The following GATAD2A variants were observed in gnomAD, a reference collection of about 807,000 sequenced individuals.
The protein encoded by GATAD2A is transcriptional repressor p66-alpha.
GATAD2A carries 12 observed loss-of-function variants against 68.5 expected under a neutral mutation model. That is an observed-to-expected ratio of 0.18 (90% CI 0.11 to 0.28). GATAD2A has a LOEUF of 0.28. GATAD2A is among the 10% of genes least tolerant of loss of function. The probability of loss-of-function intolerance (pLI) is 1.00; values close to 1 mark genes in which losing one functional copy is unlikely to be tolerated. For synonymous variants in GATAD2A, 410 were observed against 375.3 expected (o/e 1.09, Z -1.07); for missense variants, 755 against 868.5 (o/e 0.87, Z 1.64).
chr19:19,503,812 G>T (rs1691558256), intron 11 of GATAD2A, among the ~76,000 whole-genome samples: 1 of 152,192 alleles, frequency 6.6e-6, no homozygotes, highest in Non-Finnish European at 1.5e-5. Context: ...GCAGGACCCA[G>T]TTGCCAGGTT....
chr19:19,495,771 G>T lies in GATAD2A; in HGVS notation c.642G>T (p.Met214Ile), dbSNP rs202195507. The T allele has an allele frequency of 9.3e-6, 15 of 1,611,800 alleles. No homozygotes were observed. The highest frequency in any genetic ancestry group is 1.7e-4 in the Middle Eastern group (1 of 6,050). The change falls in exon 6 of 12, where the codon ATG (methionine) becomes ATT (isoleucine). Residue 214 changes from methionine to isoleucine, a missense_variant. Coordinates refer to ENST00000683918, the MANE Select transcript of GATAD2A (RefSeq NM_001384528.1). ...KPSLQTSSAR[M>I]PGSVIPPPLV... is the part of the protein sequence containing the mutation. ...GTTGGCAGACCTCTTCAGCTCGGAT[G>T]CCCGGCAGTGTCATACCCCCGCCCC...
intron 1 of GATAD2A, among the ~76,000 whole-genome samples, chr19:19,425,570 C>G (rs1473645597): frequency 6.6e-6 from 1 of 152,206 alleles, no homozygotes; most frequent in African/African-American, 2.4e-5. Flanking sequence ...CATTTCCAAT[C>G]TGAAATGATT....
In GATAD2A at chr19:19,452,178, C is replaced by T. The variant is rs185771943; in HGVS notation, c.-6-13162C>T. 1.2e-3 allele frequency among the ~76,000 whole-genome samples: 190 copies of T among 152,284 alleles called. 3 individuals are homozygous for T. The highest frequency in any genetic ancestry group is 4.3e-3 in the Admixed American group (66 of 15,304). ...TGTCTGTCTGCTGTCCCACTGTTTC[C>T]TTTGTCTGTCTTCTGCCTTTCCTAC... is the stretch of plus-strand genomic sequence containing the variant. On this transcript the variant is annotated intron_variant, in intron 1 of 11. Transcript: ENST00000683918.
intron 2 of GATAD2A, among the ~76,000 whole-genome samples, chr19:19,472,248 C>T (rs529673789): frequency 6.6e-6 from 1 of 152,110 alleles, no homozygotes; most frequent in East Asian, 1.9e-4. Context: ...CTGCACTTTC[C>T]TGTAGGGGAG....
chr19:19,425,044 A>G (rs931434087), intron 1 of GATAD2A, among the ~76,000 whole-genome samples: 1 of 151,794 alleles, frequency 6.6e-6, no homozygotes, highest in Non-Finnish European at 1.5e-5. Flanking sequence ...CCAAGAGTTC[A>G]AGACTAGCCT....
At chr19:19,486,624 C>T (rs777196330) in intron 2 of GATAD2A, among the ~76,000 whole-genome samples, 9 of 152,214 alleles carry the variant, frequency 5.9e-5, no homozygotes, top group South Asian at 2.1e-4. Flanking sequence ...GTGCAGGGGA[C>T]GCAGGCTGTC....
intron 1 of GATAD2A, among the ~76,000 whole-genome samples, chr19:19,408,305 C>T (rs541716491): frequency 6.0e-4 from 92 of 152,158 alleles, no homozygotes; most frequent in Non-Finnish European, 1.2e-3. Flanking sequence ...TATTTCCACT[C>T]AGATGACATC....
intron 1 of GATAD2A, chr19:19,465,090 G>T (rs952858879): frequency 7.0e-6 from 4 of 572,130 alleles, no homozygotes; most frequent in African/African-American, 5.6e-5. Flanking sequence ...AACAGGGCAG[G>T]GTGTAGTTTG....
At position 19,399,393 on chromosome 19, in the gene GATAD2A, G is replaced by C. The variant is rs546574560; in HGVS notation, c.-7+13255G>C. 2.8e-4 allele frequency among the ~76,000 whole-genome samples: 43 copies of C among 152,162 alleles called. 1 individual carries two copies. Among genetic ancestry groups the C allele is most frequent in the African/African-American group, 9.9e-4 (41 of 41,500 alleles). On this transcript the variant is annotated intron_variant, in intron 1 of 11. Coordinates refer to the GATAD2A transcript ENST00000360315. ...TTTTGTAGGGACGGGGTTTTGCCATGTTGCCCAGGCTGGTCTGGAACTCCT... is the reference window on the plus strand; with the variant it reads ...TTTTGTAGGGACGGGGTTTTGCCATCTTGCCCAGGCTGGTCTGGAACTCCT...
intron 1 of GATAD2A, among the ~76,000 whole-genome samples, chr19:19,443,843 T>A (rs1221114918): frequency 6.6e-6 from 1 of 151,932 alleles, no homozygotes; most frequent in African/African-American, 2.4e-5. Flanking sequence ...GGGGGTAGTT[T>A]AGGAGACCAC....
intron 2 of GATAD2A, among the ~76,000 whole-genome samples, chr19:19,475,400 T>TTGTG (rs2058607468): frequency 6.6e-6 from 1 of 152,142 alleles, no homozygotes; most frequent in Admixed American, 6.5e-5. Context: ...CATTTTCCCT[T>TTGTG]TGTGTGACCA....
intron 4 of GATAD2A, among the ~76,000 whole-genome samples, chr19:19,493,469 T>G (rs1246685845): frequency 2.0e-5 from 3 of 152,236 alleles, no homozygotes; most frequent in Admixed American, 2.0e-4. Context: ...GGGAGGGTCC[T>G]GCTTCTGTTT....
At chr19:19,472,184 G>A (rs1002429197) in intron 2 of GATAD2A, among the ~76,000 whole-genome samples, 1 of 151,732 alleles carries the variant, frequency 6.6e-6, no homozygotes. Flanking sequence ...GATGAGCCAC[G>A]GCACCAGGCC....
intron 2 of GATAD2A, among the ~76,000 whole-genome samples, chr19:19,466,488 C>T (rs191613267): frequency 6.6e-5 from 10 of 152,352 alleles, no homozygotes; most frequent in South Asian, 4.1e-4. Flanking sequence ...TGTCTCTCCA[C>T]GCCTGTTCAT....
At chr19:19,432,547 C>T (rs1471662919) in intron 1 of GATAD2A, among the ~76,000 whole-genome samples, 1 of 152,102 alleles carries the variant, frequency 6.6e-6, no homozygotes, top group African/African-American at 2.4e-5. Context: ...GTGATCCACC[C>T]CGCCTCAGCC....
At chr19:19,388,903 C>T (rs2048651315) in intron 1 of GATAD2A, among the ~76,000 whole-genome samples, 1 of 152,036 alleles carries the variant, frequency 6.6e-6, no homozygotes, top group Non-Finnish European at 1.5e-5. Context: ...AGTTCGTAGG[C>T]CAGTTTGGTT....
intron 1 of GATAD2A, among the ~76,000 whole-genome samples, chr19:19,450,514 T>A (rs997973695): frequency 6.6e-6 from 1 of 152,112 alleles, no homozygotes; most frequent in Admixed American, 6.5e-5. Context: ...GTGCTGCTCA[T>A]GTCTTTTTGG....
At position 19,459,370 on chromosome 19, in the gene GATAD2A, T is replaced by C. The variant is rs1055186390; in HGVS notation, c.-6-5970T>C. On this transcript the variant is annotated intron_variant, in intron 1 of 11. Coordinates refer to ENST00000683918, the MANE Select transcript of GATAD2A (RefSeq NM_001384528.1). Reference sequence around the variant, plus strand: ...TTCAGTTTTTTCCCTATATACACCTTTTTTTTTTTTTTAAACCATGTAAAT... The same window carrying C: ...TTCAGTTTTTTCCCTATATACACCTCTTTTTTTTTTTTAAACCATGTAAAT... Among the ~76,000 whole-genome samples the C allele has an allele frequency of 1.6e-3, 225 of 142,258 alleles. 3 individuals are homozygous for C. The highest frequency in any genetic ancestry group is 5.7e-3 in the African/African-American group (213 of 37,580). 93.3% of individuals were successfully genotyped at this position (142,258 alleles called of 152,430 possible). A position where few individuals can be genotyped will look rare whatever the true frequency, so the allele number is the denominator to read the frequency against.
chr19:19,457,462 C>A (rs566807142), intron 1 of GATAD2A, among the ~76,000 whole-genome samples: 5 of 152,324 alleles, frequency 3.3e-5, no homozygotes, highest in African/African-American at 1.2e-4. Context: ...TTAACAAGGC[C>A]AGGCTCGGTG....
Sources: allele counts gnomAD v4.1 joint callset (sites outside exome capture counted in the v4.1 genomes callset), GRCh38; gene constraint gnomAD v4.1.1; transcripts MANE v1.5; gene names NCBI Gene and HGNC (gene_info 2026-07-23, HGNC 2026-07-21).